The following RGS6 variants were observed in gnomAD, a reference collection of about 807,000 sequenced individuals.
RGS6 encodes regulator of G protein signaling 6.
A neutral mutation model predicts 78.5 loss-of-function variants in RGS6; 30 were observed. The ratio of observed to expected loss-of-function variants is 0.38; its 90% CI spans 0.29 to 0.52. The LOEUF (loss-of-function observed/expected upper bound fraction) is 0.52. Among genes scored for constraint, RGS6 ranks in the 20% least tolerant of loss-of-function variants. RGS6 has a pLI of 0.85. For synonymous variants in RGS6, 206 were observed against 206.0 expected (o/e 1.00, Z 0.00); for missense variants, 495 against 609.7 (o/e 0.81, Z 1.98).
chr14:72,234,499 A>G (rs748563843), intron 2 of RGS6, among the ~76,000 whole-genome samples: 1 of 152,264 alleles, frequency 6.6e-6, no homozygotes, highest in Non-Finnish European at 1.5e-5. Context: ...ATATGAGGAC[A>G]TAAATTAAGA....
intron 17 of RGS6, chr14:72,547,093 C>T (rs1210020044): frequency 2.2e-6 from 3 of 1,333,820 alleles, no homozygotes; most frequent in South Asian, 2.5e-5. Context: ...AGTGCAGGGC[C>T]CCCCGCAGGA....
intron 7 of RGS6, among the ~76,000 whole-genome samples, chr14:72,469,239 T>C (rs1597966503): frequency 6.6e-6 from 1 of 151,826 alleles, no homozygotes; most frequent in South Asian, 2.1e-4. Flanking sequence ...AGTTTCATTC[T>C]TGTTGCCCAG....
At chr14:72,280,182 T>A (rs2061350493) in intron 2 of RGS6, among the ~76,000 whole-genome samples, 1 of 151,966 alleles carries the variant, frequency 6.6e-6, no homozygotes, top group Non-Finnish European at 1.5e-5. Flanking sequence ...AGGTCTTATT[T>A]TTTTTTTTTA....
chr14:72,571,696 A>G, the RGS6 span, among the ~76,000 whole-genome samples: 1 of 152,258 alleles, frequency 6.6e-6, no homozygotes, highest in Non-Finnish European at 1.5e-5. Flanking sequence ...AGAAGAGCTA[A>G]TACTATCACA....
intron 2 of RGS6, among the ~76,000 whole-genome samples, chr14:72,134,516 G>A (rs892974526): frequency 1.3e-5 from 2 of 152,140 alleles, no homozygotes; most frequent in Admixed American, 6.6e-5. Context: ...TTAGGTCCTT[G>A]GGCACAAAAA....
intron 2 of RGS6, among the ~76,000 whole-genome samples, chr14:72,085,989 C>G (rs1453048335): frequency 3.3e-5 from 5 of 152,010 alleles, no homozygotes; most frequent in African/African-American, 1.2e-4. Flanking sequence ...GGACTTCCTC[C>G]TATTCATCTT....
chr14:72,607,241 C>T, the RGS6 span, among the ~76,000 whole-genome samples: 1 of 152,172 alleles, frequency 6.6e-6, no homozygotes, highest in African/African-American at 2.4e-5. Flanking sequence ...TAATAAAGTG[C>T]CATAGACTGG....
intron 17 of RGS6, chr14:72,553,487 C>G (rs1217523673): frequency 6.6e-6 from 1 of 152,392 alleles, no homozygotes; most frequent in Non-Finnish European, 1.5e-5. Flanking sequence ...GTTCTCATGC[C>G]CTGGTTCCAG....
At chr14:72,265,241 G>T (rs1170286188) in intron 2 of RGS6, among the ~76,000 whole-genome samples, 2 of 152,122 alleles carry the variant, frequency 1.3e-5, no homozygotes, top group African/African-American at 4.8e-5. Flanking sequence ...GTGACACGGT[G>T]CTGGGCATCC....
chr14:72,464,602 T>C (rs1331631852), intron 6 of RGS6: 1 of 152,244 alleles, frequency 6.6e-6, no homozygotes, highest in Non-Finnish European at 1.5e-5. Context: ...ACAGGTTCTC[T>C]CTGGCCCTCC....
chr14:72,257,438 G>A (rs1446647380), intron 2 of RGS6, among the ~76,000 whole-genome samples: 5 of 151,966 alleles, frequency 3.3e-5, no homozygotes, highest in Admixed American at 1.3e-4. Context: ...GGAGTCTTTT[G>A]CAGGAATCTT....
At chr14:71,885,604 T>A in the RGS6 span, among the ~76,000 whole-genome samples, 1 of 152,168 alleles carries the variant, frequency 6.6e-6, no homozygotes, top group Non-Finnish European at 1.5e-5. Context: ...AGGAATCACA[T>A]CAAAGAGCCC....
At chr14:72,497,501 T>C (rs2096660885) in intron 13 of RGS6, among the ~76,000 whole-genome samples, 1 of 152,206 alleles carries the variant, frequency 6.6e-6, no homozygotes, top group Non-Finnish European at 1.5e-5. Context: ...ACTTTTACTT[T>C]ATTAATGTTA....
At chr14:72,003,068 A>G (rs1407624528) in intron 2 of RGS6, among the ~76,000 whole-genome samples, 3 of 152,198 alleles carry the variant, frequency 2.0e-5, no homozygotes, top group Non-Finnish European at 4.4e-5. Flanking sequence ...GTACAAATCA[A>G]TAAGTATTTT....
chr14:72,056,525 T>C lies in RGS6; in HGVS notation c.84+91650T>C, dbSNP rs2093629860. Among the ~76,000 whole-genome samples the C allele has an allele frequency of 2.0e-5, 3 of 152,200 alleles. No homozygotes were observed. In the South Asian group the frequency reaches 6.2e-4, roughly 32 times the overall value. On this transcript the variant is annotated intron_variant, in intron 2 of 17. Transcript: ENST00000553525. ...AATTGAGCTTGCAAAAAATCAAATGTGTTATATTTTTGTTCTTATTTCACC... is the reference window on the plus strand; with the variant it reads ...AATTGAGCTTGCAAAAAATCAAATGCGTTATATTTTTGTTCTTATTTCACC...
intron 2 of RGS6, among the ~76,000 whole-genome samples, chr14:72,045,728 A>G (rs559237970): frequency 2.6e-5 from 4 of 151,648 alleles, no homozygotes; most frequent in Admixed American, 1.3e-4. Flanking sequence ...AAGCTCCCAT[A>G]ATGAGATAGG....
In RGS6 at chr14:72,269,567, A is replaced by ATTTTTTTTTTTTTTTTTTT. The variant is rs56171281; in HGVS notation, c.85-82519_85-82501dup. The stretch of plus-strand genomic sequence containing the variant: ...GTTTTTACAGTGAAACCTATCTTAA[A>ATTTTTTTTTTTTTTTTTTT]TTTTTTTTTTTTTTTTTTTTTTTTT... On this transcript the variant is annotated intron_variant, in intron 2 of 17. Coordinates refer to ENST00000553525, the MANE Select transcript of RGS6 (RefSeq NM_001204424.2). 1.1e-4 allele frequency among the ~76,000 whole-genome samples: 13 copies of ATTTTTTTTTTTTTTTTTTT among 120,334 alleles called. 5 individuals are homozygous for ATTTTTTTTTTTTTTTTTTT. The highest frequency in any genetic ancestry group is 2.7e-4 in the Admixed American group (3 of 11,066). 78.9% of individuals were successfully genotyped at this position (120,334 alleles called of 152,430 possible).
chr14:71,909,657 GTC>G, the RGS6 span, among the ~76,000 whole-genome samples: 2 of 152,042 alleles, frequency 1.3e-5, no homozygotes, highest in Admixed American at 1.3e-4. Flanking sequence ...TGGGACTCCA[GTC>G]TCTATTCAAG....
chr14:72,367,211 C>G lies in RGS6; in HGVS notation c.184+15017C>G, dbSNP rs755754137. On this transcript the variant is annotated intron_variant, in intron 3 of 17. Transcript: ENST00000553525. ...TCTTAAAGGTGTTTGATGCGTTCTC[C>G]CTGAACATGAGAATCACTTGTGTAA... Among the ~76,000 whole-genome samples, 4 of 152,246 alleles carry G rather than the reference C, an allele frequency of 2.6e-5. No homozygotes were observed. In the South Asian group the frequency reaches 8.3e-4, roughly 32 times the overall value.
Sources: gnomAD v4.1 joint callset for allele counts (sites outside exome capture counted in the v4.1 genomes callset) on GRCh38, gnomAD v4.1.1 for gene constraint, MANE v1.5 for transcripts, NCBI Gene and HGNC (gene_info 2026-07-23, HGNC 2026-07-21) for gene names.